GRIN2A: variants seen among roughly 807,000 people sequenced by gnomAD.
The protein encoded by GRIN2A is glutamate ionotropic receptor NMDA type subunit 2A.
Under a neutral mutation model 113.4 loss-of-function variants are expected in GRIN2A, and 22 were observed. The observed-to-expected ratio is 0.19, with a 90% CI of 0.14 to 0.28. GRIN2A has a LOEUF of 0.28. Ranked by LOEUF, GRIN2A falls within the 10% of genes least tolerant of loss-of-function variation. The pLI, the probability that GRIN2A is intolerant of heterozygous loss-of-function variation, is 1.00. For missense variants in GRIN2A, 1,502 were observed against 1,887.0 expected (o/e 0.80, Z 3.78); for synonymous variants, 827 against 738.4 (o/e 1.12, Z -1.94).
chr16:9,798,901 A>G (rs1443760536), intron 10 of GRIN2A, among the ~76,000 whole-genome samples: 3 of 152,268 alleles, frequency 2.0e-5, no homozygotes, highest in Non-Finnish European at 4.4e-5. Context: ...AAAGAAATAC[A>G]TGTGCTGCTT....
At chr16:9,959,504 T>C (rs1197456749) in intron 2 of GRIN2A, among the ~76,000 whole-genome samples, 1 of 152,212 alleles carries the variant, frequency 6.6e-6, no homozygotes, top group African/African-American at 2.4e-5. Context: ...CTGGTTAGTA[T>C]TTAAATATGC....
intron 2 of GRIN2A, among the ~76,000 whole-genome samples, chr16:10,133,718 C>T (rs571859137): frequency 1.3e-5 from 2 of 152,312 alleles, no homozygotes; most frequent in African/African-American, 4.8e-5. Flanking sequence ...CATGATCCCT[C>T]CTGGGTCAAA....
intron 2 of GRIN2A, among the ~76,000 whole-genome samples, chr16:10,116,578 A>G (rs1288938817): frequency 6.6e-6 from 1 of 152,230 alleles, no homozygotes; most frequent in African/African-American, 2.4e-5. Flanking sequence ...AAAGCAAGAA[A>G]CTGGGGGGAC....
chr16:10,141,730 T>C (rs548441776), intron 2 of GRIN2A, among the ~76,000 whole-genome samples: 3 of 152,344 alleles, frequency 2.0e-5, no homozygotes, highest in African/African-American at 7.2e-5. Context: ...ATGATGTTCA[T>C]TTACACTATG....
In GRIN2A at chr16:10,180,499, G is replaced by A; in HGVS notation, c.-18-70C>T. 6.5e-7 allele frequency: 1 copy of A among 1,539,774 alleles called. No individual in the cohort carries two copies. ...ACCAGAAGAAAGGGATTACCAACTT[G>A]GCTTCCTGCTCTAGGAGCCAGGCAT... On this transcript the variant is annotated intron_variant, in intron 1 of 12. Transcript: ENST00000330684. This position sits in a 1 kb window ranked among gnomAD's most constrained non-coding sequence, Gnocchi z 7.0.
intron 2 of GRIN2A, among the ~76,000 whole-genome samples, chr16:9,990,561 GCGCA>G (rs61630435): frequency 0.1 from 13,185 of 128,368 alleles, 552 homozygotes; most frequent in South Asian, 0.17. Flanking sequence ...GCGCGCGCGC[GCGCA>G]CACACACACA....
chr16:9,784,323 G>A (rs375008482), intron 11 of GRIN2A, among the ~76,000 whole-genome samples: 378 of 151,764 alleles, frequency 2.5e-3, no homozygotes, highest in African/African-American at 8.6e-3. Context: ...CCAGCTACTC[G>A]GGAGGCTAAG....
intron 10 of GRIN2A, 72 bp from the exon 11 acceptor site, chr16:9,798,536 G>C (rs1176570249): frequency 1.8e-6 from 2 of 1,103,384 alleles, no homozygotes; most frequent in Admixed American, 1.8e-5. Context: ...CCTGAGGCCT[G>C]ATCCTGAAAG....
At chr16:10,088,580 A>G (rs1480903240) in intron 2 of GRIN2A, among the ~76,000 whole-genome samples, 2 of 152,330 alleles carry the variant, frequency 1.3e-5, no homozygotes, top group East Asian at 3.9e-4. Context: ...GCAGTTCTTT[A>G]GTGTCTGGAT....
intron 2 of GRIN2A, among the ~76,000 whole-genome samples, chr16:10,101,444 G>A (rs536019008): frequency 3.0e-4 from 45 of 152,276 alleles, no homozygotes; most frequent in African/African-American, 1.0e-3. Context: ...GAAAACCTCC[G>A]AGCGCCGTGG....
At chr16:9,974,282 C>T (rs767745379) in intron 2 of GRIN2A, among the ~76,000 whole-genome samples, 1 of 152,154 alleles carries the variant, frequency 6.6e-6, no homozygotes, top group South Asian at 2.1e-4. Context: ...GAACCAGACC[C>T]GAAATCAGGC....
At chr16:9,905,152 G>C (rs926750087) in intron 3 of GRIN2A, among the ~76,000 whole-genome samples, 2 of 152,178 alleles carry the variant, frequency 1.3e-5, no homozygotes, top group African/African-American at 4.8e-5. Context: ...AATTAAAGAG[G>C]TAAGTAAAAA....
intron 11 of GRIN2A, among the ~76,000 whole-genome samples, chr16:9,783,156 T>G (rs944528969): frequency 6.6e-6 from 1 of 152,232 alleles, no homozygotes; most frequent in Non-Finnish European, 1.5e-5. Context: ...ATGAGGTTTA[T>G]GTACATGCAA....
intron 11 of GRIN2A, among the ~76,000 whole-genome samples, chr16:9,785,577 C>T (rs1219114369): frequency 6.9e-6 from 1 of 145,080 alleles, no homozygotes; most frequent in Non-Finnish European, 1.5e-5. Context: ...TACCCTAAAA[C>T]TTAAAGTATA....
chr16:10,068,044 G>T (rs1465720278), intron 2 of GRIN2A, among the ~76,000 whole-genome samples: 1 of 152,244 alleles, frequency 6.6e-6, no homozygotes, highest in Non-Finnish European at 1.5e-5. Flanking sequence ...TGGGATAGAT[G>T]AGATGAGATG....
At chr16:9,844,489 AC>A (rs1233038010) in intron 5 of GRIN2A, among the ~76,000 whole-genome samples, 1 of 152,166 alleles carries the variant, frequency 6.6e-6, no homozygotes, top group Non-Finnish European at 1.5e-5. Context: ...AGGGGATGTG[AC>A]TTAACTACAC....
chr16:9,972,107 A>G (rs2045684362), intron 2 of GRIN2A, among the ~76,000 whole-genome samples: 1 of 152,222 alleles, frequency 6.6e-6, no homozygotes, highest in African/African-American at 2.4e-5. Flanking sequence ...ATGTATATGT[A>G]AACTCTGCCC....
rs148658899 is a variant in GRIN2A, at chr16:9,956,717, A to G, written c.415-18166T>C. Among the ~76,000 whole-genome samples the G allele has an allele frequency of 7.9e-5, 12 of 152,300 alleles. No individual in the cohort carries two copies. In the East Asian group the frequency reaches 2.3e-3, roughly 29 times the overall value. ...ATTGAAATTCACATTTTGTAAGAAAAGCTTATGGTGCATTAAGAATGCACA... is the reference window on the plus strand; with the variant it reads ...ATTGAAATTCACATTTTGTAAGAAAGGCTTATGGTGCATTAAGAATGCACA... On this transcript the variant is annotated intron_variant, in intron 2 of 12. Coordinates refer to ENST00000330684, the MANE Select transcript of GRIN2A (RefSeq NM_001134407.3).
intron 2 of GRIN2A, among the ~76,000 whole-genome samples, chr16:10,169,465 G>A (rs966551204): frequency 6.6e-6 from 1 of 152,158 alleles, no homozygotes; most frequent in African/African-American, 2.4e-5. Context: ...TCTGGCCACT[G>A]ACATGTAAGA....
Sources: gnomAD v4.1 joint callset for allele counts (sites outside exome capture counted in the v4.1 genomes callset) on GRCh38, gnomAD v4.1.1 for gene constraint, Gnocchi (gnomAD v3.1) non-coding constraint, MANE v1.5 for transcripts, NCBI Gene and HGNC (gene_info 2026-07-23, HGNC 2026-07-21) for gene names.